Variants in CCDC91 observed in about 807,000 individuals in gnomAD.
CCDC91 encodes coiled-coil domain containing 91, also known as coiled-coil domain-containing protein 91.
CCDC91 carries 48 observed loss-of-function variants against 63.2 expected under a neutral mutation model. That is an observed-to-expected ratio of 0.76 (90% CI 0.60 to 0.97). The LOEUF (loss-of-function observed/expected upper bound fraction) is 0.97, where lower values mean the gene tolerates loss of function less well. CCDC91 is among the 50% of genes least tolerant of loss of function. CCDC91 has a pLI of 0.00. For missense variants in CCDC91, 500 were observed against 494.6 expected, an observed-to-expected ratio of 1.01 and a Z score of -0.10; for synonymous variants, 167 against 165.8, an observed-to-expected ratio of 1.01 and a Z score of -0.06.
chr12:28,272,687 A>G (rs1385156923), intron 3 of CCDC91, among the ~76,000 whole-genome samples: 2 of 152,018 alleles, frequency 1.3e-5, no homozygotes, highest in Non-Finnish European at 2.9e-5. Context: ...AAAAGGAAGC[A>G]TATGGGGACC....
intron 7 of CCDC91, among the ~76,000 whole-genome samples, chr12:28,380,009 G>A (rs1267003805): frequency 6.6e-6 from 1 of 152,154 alleles, no homozygotes; most frequent in Admixed American, 6.6e-5. Context: ...AAAAGGATGA[G>A]TTCATGCCTT....
intron 1 of CCDC91, among the ~76,000 whole-genome samples, chr12:28,203,843 G>A (rs1184982187): frequency 6.6e-6 from 1 of 152,084 alleles, no homozygotes. Context: ...TTAGGCTTGT[G>A]AATTATGGCT....
chr12:28,256,416 A>T (rs1946450963), intron 1 of CCDC91, among the ~76,000 whole-genome samples: 1 of 151,098 alleles, frequency 6.6e-6, no homozygotes, highest in Non-Finnish European at 1.5e-5. Flanking sequence ...GGTTTGTTTG[A>T]TAAAGCTGCT....
chr12:28,431,300 C>T (rs771698460), intron 8 of CCDC91, among the ~76,000 whole-genome samples: 3 of 152,052 alleles, frequency 2.0e-5, no homozygotes, highest in Admixed American at 1.3e-4. Context: ...TTGCTTGATC[C>T]ATTGATTATT....
chr12:28,491,079 C>T (rs931377308), intron 12 of CCDC91, among the ~76,000 whole-genome samples: 1 of 151,258 alleles, frequency 6.6e-6, no homozygotes, highest in Admixed American at 6.6e-5. Context: ...TTTGGTGTAG[C>T]AGTTAATGCG....
At chr12:28,230,111 ATTTTGGGAATATATCC>A (rs931699963) in intron 1 of CCDC91, among the ~76,000 whole-genome samples, 183 of 152,266 alleles carry the variant, frequency 1.2e-3, no homozygotes, top group African/African-American at 4.0e-3. Flanking sequence ...ATCTCAGTGT[ATTTTGGGAATATATCC>A]TTTCCATTCC....
At chr12:28,205,846 C>T (rs1419274322) in intron 1 of CCDC91, among the ~76,000 whole-genome samples, 2 of 152,126 alleles carry the variant, frequency 1.3e-5, no homozygotes, top group African/African-American at 2.4e-5. Context: ...AGTATAGAGT[C>T]CTTCTCAGGC....
At chr12:28,421,216 A>G (rs1295414742) in intron 8 of CCDC91, among the ~76,000 whole-genome samples, 1 of 152,098 alleles carries the variant, frequency 6.6e-6, no homozygotes, top group Non-Finnish European at 1.5e-5. Flanking sequence ...TATGTTTTAA[A>G]ACTTATTTTA....
chr12:28,485,190 G>T (rs1592813824), intron 12 of CCDC91, among the ~76,000 whole-genome samples: 1 of 150,226 alleles, frequency 6.7e-6, no homozygotes, highest in Non-Finnish European at 1.5e-5. Context: ...ACAGAGGCTT[G>T]CTCTGTTGCC....
At chr12:28,516,712 T>C (rs772521353) in intron 12 of CCDC91, among the ~76,000 whole-genome samples, 1 of 151,896 alleles carries the variant, frequency 6.6e-6, no homozygotes, top group Non-Finnish European at 1.5e-5. Flanking sequence ...TCTTGCTGCA[T>C]CCTCCCATGG....
intron 8 of CCDC91, among the ~76,000 whole-genome samples, chr12:28,401,331 C>A (rs1946609654): frequency 6.6e-6 from 1 of 151,990 alleles, no homozygotes; most frequent in South Asian, 2.1e-4. Context: ...TGGGAAAAGC[C>A]CCTTATAAAA....
chr12:28,280,907 T>G (rs745703321), intron 3 of CCDC91, among the ~76,000 whole-genome samples: 38 of 151,870 alleles, frequency 2.5e-4, no homozygotes, highest in Non-Finnish European at 4.4e-4. Context: ...AGCTCAGGAG[T>G]TGGAGACTGC....
intron 8 of CCDC91, among the ~76,000 whole-genome samples, chr12:28,392,907 A>G (rs140555609): frequency 1.3e-5 from 2 of 152,324 alleles, no homozygotes; most frequent in Non-Finnish European, 2.9e-5. Flanking sequence ...TGCCTAGTAT[A>G]CAGTGGTGAG....
intron 7 of CCDC91, among the ~76,000 whole-genome samples, chr12:28,382,618 T>C (rs1197902303): frequency 6.6e-6 from 1 of 152,064 alleles, no homozygotes; most frequent in Non-Finnish European, 1.5e-5. Context: ...GAAGAGGAGT[T>C]GTAAATAAAA....
chr12:28,412,593 C>T (rs978500198), intron 8 of CCDC91, among the ~76,000 whole-genome samples: 12 of 152,156 alleles, frequency 7.9e-5, no homozygotes, highest in East Asian at 1.9e-4. Context: ...GAAGATGGCA[C>T]GGACCCAAAG....
intron 6 of CCDC91, among the ~76,000 whole-genome samples, chr12:28,352,358 A>G (rs1481571273): frequency 1.3e-5 from 2 of 152,190 alleles, no homozygotes; most frequent in African/African-American, 2.4e-5. Flanking sequence ...CCTCTGTAAC[A>G]TGCAGTGCTG....
At chr12:28,209,434 TTTC>T (rs564968139) in intron 1 of CCDC91, among the ~76,000 whole-genome samples, 10 of 152,198 alleles carry the variant, frequency 6.6e-5, no homozygotes, top group South Asian at 2.1e-4. Flanking sequence ...TTATTTATTA[TTTC>T]TTCTTCTTCT....
intron 12 of CCDC91, among the ~76,000 whole-genome samples, chr12:28,538,991 T>A (rs1455041685): frequency 6.6e-6 from 1 of 152,178 alleles, no homozygotes; most frequent in Non-Finnish European, 1.5e-5. Flanking sequence ...GAGTTCTTTG[T>A]AGATGCTGGA....
rs374413848 is a variant in CCDC91 at position 28,544,775 on chromosome 12, A to G, written c.1216-4288A>G. Among the ~76,000 whole-genome samples, 138 of 152,192 alleles carry G rather than the reference A, an allele frequency of 9.1e-4. 1 individual carries two copies. The highest frequency in any genetic ancestry group is 3.1e-3 in the African/African-American group (129 of 41,562). ...TTTAGACCAATGTAAATTCACCATC[A>G]TATTGCATTTTAATGACTGGCAAAT... On this transcript the variant is annotated intron_variant, in intron 12 of 12. Transcript: ENST00000536442.
Sources: gnomAD v4.1 joint callset for allele counts (sites outside exome capture counted in the v4.1 genomes callset) on GRCh38, gnomAD v4.1.1 for gene constraint, MANE v1.5 for transcripts, NCBI Gene and HGNC (gene_info 2026-07-23, HGNC 2026-07-21) for gene names.